TLDC2: variants seen among roughly 807,000 people sequenced by gnomAD.
TLDC2 encodes the protein TLD domain-containing protein 2.
Under a neutral mutation model 27.9 loss-of-function variants are expected in TLDC2, and 23 were observed. That is an observed-to-expected ratio of 0.82 (90% CI 0.59 to 1.17). The LOEUF is 1.17. Among genes scored for constraint, TLDC2 ranks in the 50% most tolerant of loss-of-function variants. The pLI, the probability that TLDC2 is intolerant of heterozygous loss-of-function variation, is 0.00. For synonymous variants in TLDC2, 124 were observed against 107.4 expected (o/e 1.16, Z -0.96); for missense variants, 286 against 273.4 (o/e 1.05, Z -0.32).
At chr20:36,880,453 CAGG>C (rs1393539482) in intron 3 of TLDC2, among the ~76,000 whole-genome samples, 199 bp from the exon 4 acceptor site, 4 of 152,064 alleles carry the variant, frequency 2.6e-5, no homozygotes, top group African/African-American at 9.7e-5. Context: ...AGGAAGGCAG[CAGG>C]AGTTCTTCCT....
Position 36,892,924 on chromosome 20 carries a change from A to G in TLDC2, c.*80A>G. 1.9e-6 allele frequency: 3 copies of G among 1,614,110 alleles called. No individual in the cohort carries two copies. The highest frequency in any genetic ancestry group is 2.5e-6 in the Non-Finnish European group (3 of 1,180,010). ...AGAGGGAGTTTGTAAACAACTGACT[A>G]CAGACATTCACATTGGGTCATCTTT... On this transcript the variant is annotated 3_prime_UTR_variant, in exon 7 of 7. Coordinates refer to ENST00000217320, the MANE Select transcript of TLDC2 (RefSeq NM_080628.3).
In TLDC2 at chr20:36,892,953, A is replaced by G. The variant is rs2148352120; in HGVS notation, c.*109A>G. On this transcript the variant is annotated 3_prime_UTR_variant, in exon 7 of 7. Coordinates refer to ENST00000217320, the MANE Select transcript of TLDC2 (RefSeq NM_080628.3). ...ACATTCACATTGGGTCATCTTTAAAAAGCTGGACTCTGCTTTTGGATGCTT... is the reference window on the plus strand; with the variant it reads ...ACATTCACATTGGGTCATCTTTAAAGAGCTGGACTCTGCTTTTGGATGCTT... The G allele has an allele frequency of 4.3e-6, 7 of 1,614,092 alleles. No homozygotes were observed. The highest frequency in any genetic ancestry group is 5.1e-6 in the Non-Finnish European group (6 of 1,180,026).
At chr20:36,888,236 A>G (rs1486794479) in intron 5 of TLDC2, among the ~76,000 whole-genome samples, 1 of 151,700 alleles carries the variant, frequency 6.6e-6, no homozygotes, top group Non-Finnish European at 1.5e-5. Context: ...AAGAATTGCC[A>G]TTTTGTTTTT....
Position 36,893,779 on chromosome 20 carries a change from T to C in TLDC2, c.*935T>C. The stretch of plus-strand genomic sequence containing the variant: ...ACAATGCTGGTGGGAGGATTCGTGC[T>C]CCTCATCTGCTTATTTGCTCTCAGA... On this transcript the variant is annotated 3_prime_UTR_variant, in exon 7 of 7. Coordinates refer to ENST00000217320, the MANE Select transcript of TLDC2 (RefSeq NM_080628.3). The C allele has an allele frequency of 7.5e-6, 3 of 397,412 alleles. No homozygotes were observed. The highest frequency in any genetic ancestry group is 1.3e-5 in the Non-Finnish European group (3 of 225,566). The allele number at this position is 397,412 out of a possible 1,614,324, so 24.6% of individuals were successfully genotyped here. A position where few individuals can be genotyped will look rare whatever the true frequency, so the allele number is the denominator to read the frequency against.
intron 4 of TLDC2, among the ~76,000 whole-genome samples, chr20:36,884,190 G>A (rs544809131): frequency 7.2e-5 from 11 of 152,290 alleles, no homozygotes; most frequent in African/African-American, 2.6e-4. Context: ...AAGAGCCAAA[G>A]TGTGTCCAAT....
At chr20:36,881,509 G>A (rs1224793913) in intron 4 of TLDC2, among the ~76,000 whole-genome samples, 4 of 152,212 alleles carry the variant, frequency 2.6e-5, no homozygotes, top group East Asian at 3.8e-4. Context: ...CAGAAGCGCC[G>A]CTGGGCCGTG....
intron 1 of TLDC2, among the ~76,000 whole-genome samples, chr20:36,877,618 G>A (rs561607321): frequency 1.1e-4 from 17 of 152,112 alleles, no homozygotes; most frequent in East Asian, 1.9e-4. Context: ...CCGACAAGTC[G>A]CACGGCCCAC....
intron 5 of TLDC2, among the ~76,000 whole-genome samples, chr20:36,888,323 CTGGG>C (rs1420477246): frequency 4.0e-5 from 6 of 151,790 alleles, no homozygotes; most frequent in Non-Finnish European, 5.9e-5. Flanking sequence ...CCTCCGACTC[CTGGG>C]TTCAAGTGAT....
chr20:36,881,005 A>C (rs1441515129), intron 4 of TLDC2, among the ~76,000 whole-genome samples: 1 of 152,222 alleles, frequency 6.6e-6, no homozygotes, highest in Admixed American at 6.5e-5. Context: ...TGCCAGGCAC[A>C]TGCTGGGAAG....
intron 1 of TLDC2, among the ~76,000 whole-genome samples, chr20:36,876,510 G>A (rs1284433217): frequency 6.6e-6 from 1 of 152,220 alleles, no homozygotes; most frequent in Non-Finnish European, 1.5e-5. Flanking sequence ...GCCTGAGCCT[G>A]GAGAACAGAG....
intron 4 of TLDC2, among the ~76,000 whole-genome samples, chr20:36,886,500 G>A (rs989849020): frequency 1.3e-5 from 2 of 152,190 alleles, no homozygotes; most frequent in Non-Finnish European, 2.9e-5. Context: ...GGCTGAGGCA[G>A]GGGAATCGTT....
In TLDC2 at chr20:36,893,349, A is replaced by ACCT; in HGVS notation, c.*506_*508dup. 2.0e-6 allele frequency: 1 copy of ACCT among 489,914 alleles called. No individual in the cohort carries two copies. Among genetic ancestry groups the ACCT allele is most frequent in the East Asian group, 3.8e-5 (1 of 25,976 alleles). 30.3% of individuals were successfully genotyped at this position (489,914 alleles called of 1,614,324 possible). On this transcript the variant is annotated 3_prime_UTR_variant, in exon 7 of 7. Coordinates refer to ENST00000217320, the MANE Select transcript of TLDC2 (RefSeq NM_080628.3). ...CCCACCTCTATGGCCTCCTTCACAC[A>ACCT]CCTTCACGGAGCACAAACTCTGTCC...
At chr20:36,890,036 T>G (rs1291141) in intron 6 of TLDC2, 115,127 of 152,090 alleles carry the variant, frequency 0.76, 44,595 homozygotes, top group Middle Eastern at 0.88. Context: ...AACTAATAAA[T>G]ACTGTAGCAG....
chr20:36,879,009 ACTC>A, intron 2 of TLDC2, 29 bp from the exon 3 acceptor site: 1 of 1,613,384 alleles, frequency 6.2e-7, no homozygotes, highest in Non-Finnish European at 8.5e-7. Context: ...CGCGAGGAGA[ACTC>A]CTCCATTCAC....
intron 4 of TLDC2, among the ~76,000 whole-genome samples, chr20:36,886,401 C>T (rs1989921859): frequency 6.6e-6 from 1 of 152,194 alleles, no homozygotes; most frequent in African/African-American, 2.4e-5. Context: ...TGAGACCAGC[C>T]TGGGCAACAT....
At chr20:36,890,023 T>G (rs962236565) in intron 6 of TLDC2, 1 of 152,218 alleles carries the variant, frequency 6.6e-6, no homozygotes, top group African/African-American at 2.4e-5. Context: ...GCTTGAGCAC[T>G]GGAACTAATA....
chr20:36,893,055 A>G lies in TLDC2; in HGVS notation c.*211A>G, dbSNP rs755019176. The G allele has an allele frequency of 6.2e-7, 1 of 1,613,552 alleles. No individual in the cohort carries two copies. Among genetic ancestry groups the G allele is most frequent in the Non-Finnish European group, 8.5e-7 (1 of 1,180,018 alleles). On this transcript the variant is annotated 3_prime_UTR_variant, in exon 7 of 7. Coordinates refer to ENST00000217320, the MANE Select transcript of TLDC2 (RefSeq NM_080628.3). ...TTTGAGGTGTTATGAGTGGGGCTAT[A>G]ACATCGCCATCCTATTAGGAAGAGA... is the stretch of plus-strand genomic sequence containing the variant.
chr20:36,876,637 A>G (rs1412830193), intron 1 of TLDC2, among the ~76,000 whole-genome samples: 1 of 152,118 alleles, frequency 6.6e-6, no homozygotes, highest in African/African-American at 2.4e-5. Context: ...TATAACATAT[A>G]CACACTCACA....
At chr20:36,880,085 A>ATATATATGTGTGTG (rs1568748491) in intron 3 of TLDC2, among the ~76,000 whole-genome samples, 6 of 45,244 alleles carry the variant, frequency 1.3e-4, no homozygotes, top group Non-Finnish European at 2.6e-4. Flanking sequence ...ATATATATAT[A>ATATATATGTGTGTG]TATATATATA....
Sources: allele counts gnomAD v4.1 joint callset (sites outside exome capture counted in the v4.1 genomes callset), GRCh38; gene constraint gnomAD v4.1.1; transcripts MANE v1.5; gene names NCBI Gene and HGNC (gene_info 2026-07-23, HGNC 2026-07-21).